RIMS2: variants seen among roughly 807,000 people sequenced by gnomAD.
RIMS2 encodes regulating synaptic membrane exocytosis 2, also known as regulating synaptic membrane exocytosis protein 2.
RIMS2 carries 59 observed loss-of-function variants against 174.4 expected under a neutral mutation model. That is an observed-to-expected ratio of 0.34 (90% CI 0.27 to 0.42). RIMS2 has a LOEUF of 0.42. Among genes scored for constraint, RIMS2 ranks in the 10% least tolerant of loss-of-function variants. The pLI is 1.00. For missense variants in RIMS2, 1,620 were observed against 1,666.3 expected, an observed-to-expected ratio of 0.97 and a Z score of 0.48; for synonymous variants, 606 against 572.5, an observed-to-expected ratio of 1.06 and a Z score of -0.84.
chr8:104,225,409 A>G (rs1315491792), intron 19 of RIMS2, among the ~76,000 whole-genome samples: 1 of 152,182 alleles, frequency 6.6e-6, no homozygotes, highest in Non-Finnish European at 1.5e-5. Context: ...TGAGGCTAGA[A>G]TTTAACCACT....
intron 1 of RIMS2, among the ~76,000 whole-genome samples, chr8:103,677,529 A>C (rs2096830099): frequency 6.6e-6 from 1 of 152,180 alleles, no homozygotes; most frequent in African/African-American, 2.4e-5. Context: ...CATGGATCTT[A>C]AGAATCCGAG....
At chr8:103,735,132 T>C (rs963988095) in intron 2 of RIMS2, among the ~76,000 whole-genome samples, 1 of 152,178 alleles carries the variant, frequency 6.6e-6, no homozygotes, top group African/African-American at 2.4e-5. Context: ...TTCCTCCTCT[T>C]CTCACTGCTC....
At chr8:103,998,506 TAC>T (rs2095241974) in intron 17 of RIMS2, among the ~76,000 whole-genome samples, 1 of 151,894 alleles carries the variant, frequency 6.6e-6, no homozygotes, top group South Asian at 2.1e-4. Flanking sequence ...CATCAGGAAT[TAC>T]AGTTAACTCT....
In RIMS2 at chr8:104,145,009, A is replaced by G. The variant is rs1199657509; in HGVS notation, c.3335-99907A>G. Among the ~76,000 whole-genome samples, 3 of 152,172 alleles carry G rather than the reference A, an allele frequency of 2.0e-5. No homozygotes were observed. The East Asian group carries it at 5.8e-4, about 29-fold the overall frequency. On this transcript the variant is annotated intron_variant, in intron 19 of 23. Coordinates refer to ENST00000504942, the Ensembl canonical transcript of RIMS2. Reference sequence around the variant, plus strand: ...CCATCAAGAATATCTTTTTATGTCCATAAACATTTATGTATAACAGCATTT... The same window carrying G: ...CCATCAAGAATATCTTTTTATGTCCGTAAACATTTATGTATAACAGCATTT...
intron 19 of RIMS2, among the ~76,000 whole-genome samples, chr8:104,042,325 C>T (rs918821420): frequency 1.3e-5 from 2 of 151,204 alleles, no homozygotes; most frequent in African/African-American, 4.8e-5. Context: ...AGGCAGAGAC[C>T]GATTTATGAA....
At chr8:103,722,290 A>G (rs568688079) in intron 2 of RIMS2, among the ~76,000 whole-genome samples, 18 of 152,250 alleles carry the variant, frequency 1.2e-4, no homozygotes, top group Admixed American at 3.9e-4. Flanking sequence ...TGGTTTCGGG[A>G]TTATTCAAAC....
chr8:103,570,373 T>A (rs2092717585), intron 1 of RIMS2, among the ~76,000 whole-genome samples: 1 of 152,212 alleles, frequency 6.6e-6, no homozygotes, highest in Non-Finnish European at 1.5e-5. Context: ...TACTTATTTA[T>A]TCATTATCAA....
intron 1 of RIMS2, among the ~76,000 whole-genome samples, chr8:103,582,374 G>T (rs1380126384): frequency 6.6e-6 from 1 of 152,106 alleles, no homozygotes; most frequent in Non-Finnish European, 1.5e-5. Context: ...TGGTGGCTAT[G>T]GGGAAAAACT....
intron 3 of RIMS2, among the ~76,000 whole-genome samples, chr8:103,836,796 G>A (rs950551211): frequency 1.3e-5 from 2 of 152,158 alleles, no homozygotes; most frequent in Non-Finnish European, 2.9e-5. Context: ...AGAGAAATGT[G>A]TGCTTTAAAA....
intron 19 of RIMS2, among the ~76,000 whole-genome samples, chr8:104,038,123 TAA>T (rs1482592924): frequency 6.6e-6 from 1 of 152,040 alleles, no homozygotes; most frequent in Non-Finnish European, 1.5e-5. Flanking sequence ...CTTTTTATAT[TAA>T]ATAGTTTGCA....
intron 1 of RIMS2, among the ~76,000 whole-genome samples, chr8:103,607,431 A>C (rs1274486003): frequency 6.6e-6 from 1 of 151,792 alleles, no homozygotes; most frequent in Non-Finnish European, 1.5e-5. Flanking sequence ...GGCTGCCCTT[A>C]ACATTTTTTC....
At chr8:104,173,322 T>C (rs2098842837) in intron 19 of RIMS2, among the ~76,000 whole-genome samples, 1 of 152,182 alleles carries the variant, frequency 6.6e-6, no homozygotes, top group Non-Finnish European at 1.5e-5. Context: ...TTAATCTTTC[T>C]GGGTTTTGGC....
At chr8:103,634,659 C>G (rs1209029797) in intron 1 of RIMS2, among the ~76,000 whole-genome samples, 1 of 152,178 alleles carries the variant, frequency 6.6e-6, no homozygotes, top group Non-Finnish European at 1.5e-5. Flanking sequence ...GTCTATGTCT[C>G]TGTAATTCTC....
intron 2 of RIMS2, among the ~76,000 whole-genome samples, chr8:103,710,046 A>G (rs1424865463): frequency 6.6e-6 from 1 of 152,096 alleles, no homozygotes; most frequent in Non-Finnish European, 1.5e-5. Flanking sequence ...AAGACTCTGG[A>G]ATGTATTTTT....
intron 1 of RIMS2, among the ~76,000 whole-genome samples, chr8:103,568,284 C>A (rs1387078545): frequency 6.6e-6 from 1 of 151,814 alleles, no homozygotes; most frequent in Non-Finnish European, 1.5e-5. Context: ...GGTGACAGAG[C>A]AAGACCCTGT....
At chr8:104,242,525 A>T (rs2099307015) in intron 19 of RIMS2, among the ~76,000 whole-genome samples, 1 of 152,164 alleles carries the variant, frequency 6.6e-6, no homozygotes, top group Admixed American at 6.5e-5. Flanking sequence ...AATTTCTTTG[A>T]TATATTTTAA....
At chr8:104,024,624 G>C (rs768837742) in intron 19 of RIMS2, among the ~76,000 whole-genome samples, 1 of 152,080 alleles carries the variant, frequency 6.6e-6, no homozygotes, top group Non-Finnish European at 1.5e-5. Context: ...TAAATGTGTT[G>C]TATTAGGTAG....
At chr8:104,234,461 T>TC (rs1208089934) in intron 19 of RIMS2, among the ~76,000 whole-genome samples, 5 of 150,842 alleles carry the variant, frequency 3.3e-5, no homozygotes, top group African/African-American at 1.2e-4. Context: ...GATATGCAAC[T>TC]CTATCTAAGT....
At chr8:103,751,883 C>T (rs1188576275) in intron 2 of RIMS2, among the ~76,000 whole-genome samples, 2 of 151,744 alleles carry the variant, frequency 1.3e-5, no homozygotes, top group East Asian at 3.9e-4. Context: ...AAAATTTTCT[C>T]CCATTTTGTA....
Sources: allele counts gnomAD v4.1 joint callset (sites outside exome capture counted in the v4.1 genomes callset), GRCh38; gene constraint gnomAD v4.1.1; transcripts MANE v1.5; gene names NCBI Gene and HGNC (gene_info 2026-07-23, HGNC 2026-07-21).